The following RBM10 variants were observed in gnomAD, a reference collection of about 807,000 sequenced individuals.
RBM10 encodes the protein RNA-binding protein 10.
RBM10 carries 1 observed loss-of-function variant against 84.9 expected under a neutral mutation model. The observed-to-expected ratio is 0.01, with a 90% confidence interval of 0.00 to 0.06. RBM10 has a LOEUF of 0.06. RBM10 is among the 10% of genes least tolerant of loss of function. The pLI is 1.00. For synonymous variants in RBM10, 326 were observed against 344.5 expected (o/e 0.95, Z 0.60); for missense variants, 438 against 839.0 (o/e 0.52, Z 5.90).
intron 5 of RBM10, among the ~76,000 whole-genome samples, chrX:47,173,707 G>A (rs943591584): frequency 4.5e-5 from 5 of 111,137 alleles, no homozygotes; most frequent in Non-Finnish European, 9.5e-5. Flanking sequence ...TCCTGGCCTC[G>A]CCTGTTCCCT....
In RBM10 at chrX:47,185,450, G is replaced by A. The variant is rs137940243; in HGVS notation, c.2175G>A (p.Pro725=). ...ACCCTCACCCTCTACAGAGCCCTCC[G>A]CGAGGACTGGTGGCAGCCTACAGCG... The part of the protein sequence containing the change: ...KLASDDRPSP[P]RGLVAAYSGE... The change falls in exon 20 of 24, where the codon CCG becomes CCA. Residue 725 remains proline (P), a synonymous_variant. Coordinates refer to ENST00000377604, the MANE Select transcript of RBM10 (RefSeq NM_005676.5). 8 of 1,171,984 alleles carry A rather than the reference G, an allele frequency of 6.8e-6. No individual in the cohort carries two copies. Among genetic ancestry groups the A allele is most frequent in the Non-Finnish European group, 8.0e-6 (7 of 875,568 alleles).
chrX:47,165,996 G>A (rs1934168320), intron 2 of RBM10, among the ~76,000 whole-genome samples: 1 of 110,777 alleles, frequency 9.0e-6, no homozygotes, highest in South Asian at 3.8e-4. Flanking sequence ...CTCCAGCCTG[G>A]GTGACAGAGC....
At chrX:47,162,110 G>A (rs1187981904) in intron 2 of RBM10, among the ~76,000 whole-genome samples, 1 of 112,538 alleles carries the variant, frequency 8.9e-6, no homozygotes, top group Non-Finnish European at 1.9e-5. Flanking sequence ...CACAGTGCTG[G>A]GATTACAGGC....
Position 47,185,432 on chromosome X carries a change from C to A in RBM10, c.2167-10C>A, listed in dbSNP as rs1556781797. 5.1e-6 allele frequency: 6 copies of A among 1,173,751 alleles called. No homozygotes were observed. The Admixed American group carries it at 1.3e-4, about 25-fold the overall frequency. On this transcript the variant is annotated splice_polypyrimidine_tract_variant and intron_variant, in intron 19 of 23. Coordinates refer to ENST00000377604, the MANE Select transcript of RBM10 (RefSeq NM_005676.5). ...GGCCAGGCCTGACCGCCCACCCTCA[C>A]CCTCTACAGAGCCCTCCGCGAGGAC...
intron 17 of RBM10, 39 bp from the exon 18 acceptor site, chrX:47,185,016 T>C (rs782760401): frequency 3.4e-6 from 4 of 1,191,278 alleles, no homozygotes; most frequent in South Asian, 1.8e-5. Flanking sequence ...CCCAGGGTCA[T>C]GAGGGTTCTG....
At chrX:47,172,227 T>C (rs1569185520) in intron 4 of RBM10, among the ~76,000 whole-genome samples, 1 of 111,876 alleles carries the variant, frequency 8.9e-6, no homozygotes, top group Non-Finnish European at 1.9e-5. Flanking sequence ...AGAGCTGGAG[T>C]CTGAACCCGG....
At chrX:47,157,889 C>G (rs1225443673) in intron 2 of RBM10, 1 of 276,286 alleles carries the variant, frequency 3.6e-6, no homozygotes, top group Non-Finnish European at 6.4e-6. Flanking sequence ...AAGCGATTCT[C>G]CTCCCTCAGC....
intron 17 of RBM10, among the ~76,000 whole-genome samples, chrX:47,183,149 GA>G (rs1250964904): frequency 8.9e-6 from 1 of 112,112 alleles, no homozygotes; most frequent in African/African-American, 3.2e-5. Flanking sequence ...GAGCATGCAT[GA>G]GAGCAAGAGA....
intron 2 of RBM10, among the ~76,000 whole-genome samples, chrX:47,164,149 G>A (rs1207570533): frequency 9.0e-6 from 1 of 110,855 alleles, no homozygotes; most frequent in African/African-American, 3.3e-5. Context: ...GATTACAGGC[G>A]TGAGTCACTG....
chrX:47,182,071 A>T (rs2147196669), intron 16 of RBM10, 29 bp downstream of exon 16: 1 of 1,211,047 alleles, frequency 8.3e-7, no homozygotes, highest in Non-Finnish European at 1.1e-6. Context: ...GAGGGATGGG[A>T]TCGGGTCAGG....
Position 47,170,733 on chromosome X carries a change from A to G in RBM10, c.202-295A>G, listed in dbSNP as rs372285971. 4.5e-5 allele frequency among the ~76,000 whole-genome samples: 5 copies of G among 112,319 alleles called. No homozygotes were observed. In the East Asian group the frequency reaches 1.4e-3, roughly 32 times the overall value. ...GCTGACCCCAGGCCATCTTGCCCCA[A>G]GGAGGTTTAAGCTGTGTCTTGTCAG... On this transcript the variant is annotated intron_variant, in intron 3 of 23. Coordinates refer to ENST00000377604, the MANE Select transcript of RBM10 (RefSeq NM_005676.5).
At chrX:47,149,817 A>ATTT (rs1219884284) in intron 2 of RBM10, among the ~76,000 whole-genome samples, 8 of 86,044 alleles carry the variant, frequency 9.3e-5, no homozygotes, top group Non-Finnish European at 1.4e-4. Flanking sequence ...TGCTAGCATC[A>ATTT]TTTTTTTTTT....
At chrX:47,176,688 C>T (rs782802491) in intron 7 of RBM10, 102 bp downstream of exon 7, 23 of 1,145,426 alleles carry the variant, frequency 2.0e-5, no homozygotes, top group South Asian at 3.8e-5. Flanking sequence ...CATCTCTCCC[C>T]CTCCCCCAAT....
intron 1 of RBM10, 39 bp downstream of exon 1, chrX:47,145,524 G>A (rs1222861178): frequency 2.6e-6 from 3 of 1,144,558 alleles, no homozygotes; most frequent in East Asian, 6.6e-5. Flanking sequence ...GAGGTAAGGG[G>A]CCCGGGGCGG....
intron 5 of RBM10, 30 bp downstream of exon 5, chrX:47,173,227 C>T: frequency 8.3e-7 from 1 of 1,208,639 alleles, no homozygotes. Flanking sequence ...CCCTCCCCTT[C>T]AAGTGGCCAG....
intron 2 of RBM10, among the ~76,000 whole-genome samples, chrX:47,150,231 C>T (rs1446120807): frequency 9.0e-6 from 1 of 111,141 alleles, no homozygotes; most frequent in East Asian, 2.8e-4. Context: ...TGCAGTGGCA[C>T]GATCTCGGCT....
rs1369634796 is a variant in RBM10, at chrX:47,145,390, G to A, written c.-221G>A. 7.2e-6 allele frequency: 8 copies of A among 1,117,977 alleles called. No individual in the cohort carries two copies. The African/African-American group carries it at 1.3e-4, about 18-fold the overall frequency. 92.1% of individuals were successfully genotyped at this position (1,117,977 alleles called of 1,213,427 possible). A position where few individuals can be genotyped will look rare whatever the true frequency, so the allele number is the denominator to read the frequency against. ...CTCCAGTCTCGGACTTGGTTGTTGC[G>A]CGCTCCGGCTCCGGCTGAGCTGGGA... On this transcript the variant is annotated 5_prime_UTR_variant, in exon 1 of 24. Transcript: ENST00000377604.
intron 2 of RBM10, chrX:47,157,445 G>A: frequency 2.7e-6 from 1 of 369,067 alleles, no homozygotes; most frequent in African/African-American, 2.5e-5. Context: ...GGAAAGCCAG[G>A]CTGTTCTTCT....
rs1395320791 is a variant in RBM10 at position 47,145,557 on chromosome X, C to T, written c.-126+72C>T. On this transcript the variant is annotated intron_variant, in intron 1 of 23. Coordinates refer to ENST00000377604, the MANE Select transcript of RBM10 (RefSeq NM_005676.5). Reference sequence around the variant, plus strand: ...CGGGGACGTAGAGGAGGCGCGAGGGCGGACTTCGGGTCGGGGGAGATGCGC... The same window carrying T: ...CGGGGACGTAGAGGAGGCGCGAGGGTGGACTTCGGGTCGGGGGAGATGCGC... 3 of 866,876 alleles carry T rather than the reference C, an allele frequency of 3.5e-6. No homozygotes were observed. The South Asian group carries it at 7.6e-5, about 22-fold the overall frequency. The allele number at this position is 866,876 out of a possible 1,213,427, so 71.4% of individuals were successfully genotyped here.
Sources: allele counts gnomAD v4.1 joint callset (sites outside exome capture counted in the v4.1 genomes callset), GRCh38; gene constraint gnomAD v4.1.1; transcripts MANE v1.5; gene names NCBI Gene and HGNC (gene_info 2026-07-23, HGNC 2026-07-21).